Variants in CENPC observed in about 807,000 individuals in gnomAD.
CENPC encodes the protein CENP-C 1.
Under a neutral mutation model 112.1 loss-of-function variants are expected in CENPC, and 63 were observed. That is an observed-to-expected ratio of 0.56 (90% CI 0.46 to 0.69). The LOEUF (loss-of-function observed/expected upper bound fraction) is 0.69. CENPC is among the 30% of genes least tolerant of loss of function. The pLI is 0.00. For missense variants in CENPC, 1,000 were observed against 1,103.8 expected (o/e 0.91, Z 1.33); for synonymous variants, 333 against 367.6 (o/e 0.91, Z 1.08).
chr4:67,491,478 TATAGAGAGAG>T (rs1439107800), intron 16 of CENPC, among the ~76,000 whole-genome samples: 186 of 24,910 alleles, frequency 7.5e-3, no homozygotes, highest in Non-Finnish European at 0.012. Context: ...TATATATATA[TATAGAGAGAG>T]AGAGAGAGAG....
At chr4:67,490,831 G>GAAAT (rs1192650159) in intron 16 of CENPC, among the ~76,000 whole-genome samples, 1 of 116,140 alleles carries the variant, frequency 8.6e-6, no homozygotes, top group African/African-American at 3.4e-5. Flanking sequence ...ACATGATATA[G>GAAAT]AAATAAATAT....
chr4:67,490,156 C>G, intron 16 of CENPC, 35 bp from the exon 17 acceptor site: 1 of 1,458,192 alleles, frequency 6.9e-7, no homozygotes. Context: ...TATAAAACAA[C>G]AGCAGTATTG....
In CENPC at chr4:67,525,546, C is replaced by G. The variant is rs961865432; in HGVS notation, c.331+5269G>C. 3.9e-5 allele frequency among the ~76,000 whole-genome samples: 6 copies of G among 152,134 alleles called. 1 individual carries two copies. In the East Asian group the frequency reaches 9.6e-4, roughly 24 times the overall value. ...CACTTCTCAGAAGAAGACATTTACACAGCCAACAAACATAATTAAAAAAAA... is the reference window on the plus strand; with the variant it reads ...CACTTCTCAGAAGAAGACATTTACAGAGCCAACAAACATAATTAAAAAAAA... On this transcript the variant is annotated intron_variant, in intron 5 of 18. Transcript: ENST00000273853.
chr4:67,534,434 A>G (rs1726656173), intron 4 of CENPC, among the ~76,000 whole-genome samples: 1 of 152,150 alleles, frequency 6.6e-6, no homozygotes, highest in Non-Finnish European at 1.5e-5. Flanking sequence ...AAAACCGAAG[A>G]GCCCCTCCCA....
At chr4:67,537,165 A>T (rs1359045646) in intron 4 of CENPC, among the ~76,000 whole-genome samples, 29 of 152,292 alleles carry the variant, frequency 1.9e-4, no homozygotes, top group Non-Finnish European at 1.2e-4. Flanking sequence ...AAACTGGAAA[A>T]TTTAAATAAA....
chr4:67,486,099 A>G (rs1246510373), intron 17 of CENPC, among the ~76,000 whole-genome samples: 1 of 152,224 alleles, frequency 6.6e-6, no homozygotes, highest in African/African-American at 2.4e-5. Context: ...TAAAAAGTAT[A>G]TATTTCTAGT....
At chr4:67,494,872 A>T (rs918418657) in intron 13 of CENPC, among the ~76,000 whole-genome samples, 2 of 152,178 alleles carry the variant, frequency 1.3e-5, no homozygotes, top group Non-Finnish European at 2.9e-5. Context: ...AGTTTCTTTG[A>T]CAAAATTCTC....
chr4:67,499,693 T>G (rs1020212734), intron 12 of CENPC, among the ~76,000 whole-genome samples: 1 of 152,224 alleles, frequency 6.6e-6, no homozygotes, highest in African/African-American at 2.4e-5. Context: ...TTCACTGTAG[T>G]AGCACTTTTC....
Position 67,540,470 on chromosome 4 carries a change from A to T in CENPC, c.136+510T>A, listed in dbSNP as rs1726856464. On this transcript the variant is annotated intron_variant, in intron 3 of 18. Coordinates refer to ENST00000273853, the MANE Select transcript of CENPC (RefSeq NM_001812.4). ...GATCACTGGAGGGCAGGAGTTCGAG[A>T]CCAGACTAGCCAACATGGTGAAACC... Among the ~76,000 whole-genome samples the T allele has an allele frequency of 3.3e-5, 5 of 152,144 alleles. No individual in the cohort carries two copies. The South Asian group carries it at 1.0e-3, about 31-fold the overall frequency.
intron 4 of CENPC, among the ~76,000 whole-genome samples, chr4:67,535,440 G>C (rs965226696): frequency 6.9e-6 from 1 of 145,098 alleles, no homozygotes; most frequent in Non-Finnish European, 1.5e-5. Context: ...GTAGATTGAA[G>C]AAAAAAAAAA....
chr4:67,502,739 C>T (rs1476154144), intron 12 of CENPC, among the ~76,000 whole-genome samples: 1 of 152,094 alleles, frequency 6.6e-6, no homozygotes, highest in Non-Finnish European at 1.5e-5. Context: ...TGCTTCTTCC[C>T]CAGTAGTCCC....
Position 67,514,562 on chromosome 4 carries a change from G to A in CENPC, c.956C>T (p.Thr319Ile), listed in dbSNP as rs1205360645. The A allele has an allele frequency of 1.9e-6, 3 of 1,611,244 alleles. No homozygotes were observed. In the Admixed American group the frequency reaches 5.0e-5, roughly 27 times the overall value. Residue 319 changes from threonine to isoleucine, a missense_variant, in exon 8 of 19, where the codon ACA becomes ATA. Thr to Ile is a moderately conservative substitution (Grantham distance 89). Coordinates refer to ENST00000273853, the MANE Select transcript of CENPC (RefSeq NM_001812.4). ...DQSFASRSWI[T>I]IPRKAGSLKQ... ...CAGAGACCCTGCCTTTCTTGGTATT[G>A]TAATCCAAGATCTACTGGCAAAACT...
chr4:67,508,447 G>A (rs1344313604), intron 10 of CENPC, among the ~76,000 whole-genome samples: 7 of 141,180 alleles, frequency 5.0e-5, no homozygotes, highest in Admixed American at 3.8e-4. Context: ...AGAAGTTTGA[G>A]GTTACAGTGG....
At chr4:67,506,409 A>G (rs1725734643) in intron 11 of CENPC, among the ~76,000 whole-genome samples, 1 of 152,140 alleles carries the variant, frequency 6.6e-6, no homozygotes, top group South Asian at 2.1e-4. Flanking sequence ...CTTCTCTTGG[A>G]GCATTTGCTT....
intron 18 of CENPC, chr4:67,474,545 A>G: frequency 3.9e-6 from 1 of 254,320 alleles, no homozygotes; most frequent in South Asian, 4.4e-5. Flanking sequence ...TAAAAATACA[A>G]AAAGTAGCCG....
At chr4:67,533,589 T>C (rs1279822569) in intron 4 of CENPC, among the ~76,000 whole-genome samples, 3 of 152,184 alleles carry the variant, frequency 2.0e-5, no homozygotes, top group African/African-American at 7.2e-5. Flanking sequence ...ATGAGACATG[T>C]CAGCAAACAT....
At chr4:67,529,428 C>T (rs1259000407) in intron 5 of CENPC, among the ~76,000 whole-genome samples, 3 of 152,020 alleles carry the variant, frequency 2.0e-5, no homozygotes, top group Non-Finnish European at 2.9e-5. Flanking sequence ...TAGGCTCAAG[C>T]GATTCTCCTG....
At position 67,505,274 on chromosome 4, in the gene CENPC, T is replaced by C. The variant is rs1725702664; in HGVS notation, c.2062A>G (p.Arg688Gly). Residue 688 changes from arginine to glycine, a missense_variant, in exon 12 of 19, where the codon AGG (arginine) becomes GGG (glycine). Coordinates refer to ENST00000273853, the MANE Select transcript of CENPC (RefSeq NM_001812.4). Reference protein sequence around the residue: ...TSVLEESGPSRLNNNYLMSGK... With the variant: ...TSVLEESGPSGLNNNYLMSGK... ...GACATTAAATAATTATTATTGAGCC[T>C]GGAAGGTCCACTTAAGAAAAAAAGG... 4 of 1,561,852 alleles carry C rather than the reference T, an allele frequency of 2.6e-6. No homozygotes were observed. Among genetic ancestry groups the C allele is most frequent in the Middle Eastern group, 3.3e-4 (2 of 5,996 alleles).
intron 5 of CENPC, among the ~76,000 whole-genome samples, chr4:67,522,538 G>A (rs1726257279): frequency 6.6e-6 from 1 of 152,044 alleles, no homozygotes; most frequent in Non-Finnish European, 1.5e-5. Flanking sequence ...AAGACAGGAA[G>A]AGAGAGAGAG....
Sources: allele counts gnomAD v4.1 joint callset (sites outside exome capture counted in the v4.1 genomes callset), GRCh38; gene constraint gnomAD v4.1.1; transcripts MANE v1.5; gene names NCBI Gene and HGNC (gene_info 2026-07-23, HGNC 2026-07-21).